CHD9: variants seen among roughly 807,000 people sequenced by gnomAD.
CHD9 encodes ATP-dependent chromatin remodeler CHD9.
Under a neutral mutation model 316.1 loss-of-function variants are expected in CHD9, and 77 were observed. That is an observed-to-expected ratio of 0.24 (90% CI 0.20 to 0.29). CHD9 has a LOEUF of 0.29. CHD9 is among the 10% of genes least tolerant of loss of function. CHD9 has a pLI of 1.00. For missense variants in CHD9, 2,763 were observed against 3,438.1 expected, an observed-to-expected ratio of 0.80 and a Z score of 4.91; for synonymous variants, 1,129 against 1,158.3, an observed-to-expected ratio of 0.97 and a Z score of 0.51.
intron 1 of CHD9, among the ~76,000 whole-genome samples, chr16:53,117,068 TG>T (rs2038365766): frequency 6.6e-6 from 1 of 152,046 alleles, no homozygotes; most frequent in Non-Finnish European, 1.5e-5. Flanking sequence ...CACTGGGGTC[TG>T]TTGGGGAGTG....
At chr16:53,296,599 C>T (rs1417726565) in intron 29 of CHD9, among the ~76,000 whole-genome samples, 1 of 151,900 alleles carries the variant, frequency 6.6e-6, no homozygotes, top group Non-Finnish European at 1.5e-5. Flanking sequence ...CGCCACCATG[C>T]CCAGCTAATT....
intron 1 of CHD9, among the ~76,000 whole-genome samples, chr16:53,079,758 T>C (rs2034857865): frequency 6.6e-6 from 1 of 152,182 alleles, no homozygotes; most frequent in South Asian, 2.1e-4. Context: ...CAATGAGATT[T>C]GAGGAGCATC....
chr16:53,111,745 A>G (rs991279689), intron 1 of CHD9, among the ~76,000 whole-genome samples: 2 of 152,206 alleles, frequency 1.3e-5, no homozygotes, highest in African/African-American at 4.8e-5. Context: ...GAATGTAGTC[A>G]TATTTGCTAC....
At chr16:53,293,154 A>AT in intron 29 of CHD9, 102 bp downstream of exon 29, 2 of 1,039,388 alleles carry the variant, frequency 1.9e-6, no homozygotes, top group Non-Finnish European at 2.8e-6. Context: ...AAACATACAT[A>AT]GAATGTTGGT....
chr16:53,164,902 T>G (rs1460898553), intron 2 of CHD9, among the ~76,000 whole-genome samples: 2 of 152,238 alleles, frequency 1.3e-5, no homozygotes, highest in Non-Finnish European at 2.9e-5. Flanking sequence ...TGATCTGCCC[T>G]TCTTGGCCTC....
chr16:53,287,470 G>A (rs1179992290), intron 26 of CHD9, among the ~76,000 whole-genome samples: 3 of 152,220 alleles, frequency 2.0e-5, no homozygotes, highest in Admixed American at 2.0e-4. Context: ...GCTCACGCCT[G>A]TAATCCCAGC....
At position 53,303,832 on chromosome 16, in the gene CHD9, A is replaced by C. The variant is rs2055674789; in HGVS notation, c.5826A>C (p.Pro1942=). Residue 1942 remains proline, a synonymous_variant, in exon 31 of 39, where the codon CCA becomes CCC. Transcript: ENST00000447540. ...RKVREQALRH[P]QLFERLKLCH... is the part of the protein sequence containing the mutation. Reference sequence around the variant, plus strand: ...TACGGGAACAGGCCCTTCGACATCCACAGTTGTTTGAACGCTTGAAGCTTT... The same window carrying C: ...TACGGGAACAGGCCCTTCGACATCCCCAGTTGTTTGAACGCTTGAAGCTTT... 8 of 1,613,866 alleles carry C rather than the reference A, an allele frequency of 5.0e-6. No individual in the cohort carries two copies. The highest frequency in any genetic ancestry group is 6.8e-6 in the Non-Finnish European group (8 of 1,179,894).
intron 1 of CHD9, among the ~76,000 whole-genome samples, chr16:53,079,664 A>G (rs1596903548): frequency 6.6e-6 from 1 of 152,126 alleles, no homozygotes; most frequent in African/African-American, 2.4e-5. Context: ...CCACACTGGA[A>G]CTTTCAGTAC....
chr16:53,304,571 T>C lies in CHD9; in HGVS notation c.6565T>C (p.Ser2189Pro). The C allele has an allele frequency of 6.5e-7, 1 of 1,549,010 alleles. No individual in the cohort carries two copies. Among genetic ancestry groups the C allele is most frequent in the East Asian group, 2.4e-5 (1 of 40,906 alleles). The change falls in exon 31 of 39, where the codon TCT becomes CCT. Residue 2189 changes from serine (S) to proline (P), a missense_variant. Ser to Pro is a moderately conservative substitution (Grantham distance 74, BLOSUM62 -1). Around this residue, in one of 15 missense-constraint regions of CHD9, gnomAD observed 663 missense variants for 751.2 expected, o/e 0.88. Coordinates refer to ENST00000447540, the MANE Select transcript of CHD9 (RefSeq NM_001308319.2). ...CTCCACCTCTTCCTCCTCCTCCTCCTCTTCATCTTCATCAGAAGAAAGTGA... is the reference window on the plus strand; with the variant it reads ...CTCCACCTCTTCCTCCTCCTCCTCCCCTTCATCTTCATCAGAAGAAAGTGA... ...SSSTSSSSSS[S>P]SSSSEESDSD...
Position 53,324,780 on chromosome 16 carries a change from C to G in CHD9, c.8579C>G (p.Pro2860Arg). 1 of 1,613,030 alleles carries G rather than the reference C, an allele frequency of 6.2e-7. No homozygotes were observed. Among genetic ancestry groups the G allele is most frequent in the Non-Finnish European group, 8.5e-7 (1 of 1,179,538 alleles). The change falls in exon 39 of 39, where the codon CCA (proline) becomes CGA (arginine). Residue 2860 changes from proline (P) to arginine (R), a missense_variant. Pro to Arg is a moderately radical substitution (Grantham distance 103). Around this residue, in one of 15 missense-constraint regions of CHD9, gnomAD observed 298 missense variants for 380.2 expected, o/e 0.78. Transcript: ENST00000447540. ...CAGGAAGACAAAGGAGGAACTGAAC[C>G]AAGTCCTCTCAATGAAAACAGCACA... ...KDQEDKGGTE[P>R]SPLNENSTDE...
At chr16:53,194,685 A>T (rs778466272) in intron 2 of CHD9, among the ~76,000 whole-genome samples, 14 of 152,206 alleles carry the variant, frequency 9.2e-5, no homozygotes, top group Non-Finnish European at 1.9e-4. Context: ...TAAACATTGT[A>T]TTTCAGTTTT....
In CHD9 at chr16:53,151,131, T is replaced by G. The variant is rs190708543; in HGVS notation, c.-164-4795T>G. On this transcript the variant is annotated intron_variant, in intron 1 of 38. Coordinates refer to ENST00000447540, the MANE Select transcript of CHD9 (RefSeq NM_001308319.2). The stretch of plus-strand genomic sequence containing the variant: ...ATTCTCTTGATTTTGTCTCATAGGT[T>G]TTTTTAGGCTTGATTCACTTTTCTT... 7.9e-5 allele frequency among the ~76,000 whole-genome samples: 12 copies of G among 152,070 alleles called. No homozygotes were observed. In the East Asian group the frequency reaches 2.3e-3, roughly 29 times the overall value.
chr16:53,176,018 T>C (rs780129725), intron 2 of CHD9, among the ~76,000 whole-genome samples: 1 of 152,204 alleles, frequency 6.6e-6, no homozygotes, highest in Non-Finnish European at 1.5e-5. Context: ...CCTACAACCA[T>C]GTATCAGTTT....
intron 2 of CHD9, among the ~76,000 whole-genome samples, chr16:53,205,651 G>C (rs2045840943): frequency 1.3e-5 from 2 of 152,154 alleles, no homozygotes; most frequent in Admixed American, 6.5e-5. Flanking sequence ...ATTTATTAAG[G>C]TTTATTAAAC....
intron 1 of CHD9, among the ~76,000 whole-genome samples, chr16:53,065,345 G>C (rs1363556513): frequency 6.6e-6 from 1 of 151,666 alleles, no homozygotes; most frequent in African/African-American, 2.4e-5. Flanking sequence ...TAGCAAGAGA[G>C]TATTCTGGCC....
At chr16:53,264,506 G>C (rs763110960) in intron 20 of CHD9, among the ~76,000 whole-genome samples, 10 of 152,162 alleles carry the variant, frequency 6.6e-5, no homozygotes, top group Non-Finnish European at 8.8e-5. Flanking sequence ...GACAGAGAAA[G>C]AGAGAGATGC....
chr16:53,144,641 G>A (rs555761814), intron 1 of CHD9, among the ~76,000 whole-genome samples: 5 of 151,452 alleles, frequency 3.3e-5, no homozygotes, highest in East Asian at 1.9e-4. Flanking sequence ...CGATTCTCCC[G>A]CCTCAGCCTC....
intron 1 of CHD9, among the ~76,000 whole-genome samples, chr16:53,100,201 T>C (rs1032313447): frequency 1.3e-5 from 2 of 152,206 alleles, no homozygotes; most frequent in African/African-American, 4.8e-5. Context: ...AAACTTCTCC[T>C]GCCACAAGGA....
At chr16:53,084,291 G>A (rs1299538973) in intron 1 of CHD9, among the ~76,000 whole-genome samples, 1 of 152,208 alleles carries the variant, frequency 6.6e-6, no homozygotes, top group Non-Finnish European at 1.5e-5. Flanking sequence ...TGAATTTTAA[G>A]TTCTTAAGGT....
Sources: allele counts gnomAD v4.1 joint callset (sites outside exome capture counted in the v4.1 genomes callset), GRCh38; gene constraint gnomAD v4.1.1; regional missense constraint gnomAD v4.1.1; transcripts MANE v1.5; gene names NCBI Gene and HGNC (gene_info 2026-07-23, HGNC 2026-07-21).